SMARCC1: variants seen among roughly 807,000 people sequenced by gnomAD.
SMARCC1 encodes the protein SWI/SNF related BAF chromatin remodeling complex subunit C1.
In SMARCC1, 43 loss-of-function variants were observed where a neutral mutation model predicts 147.4. That is an observed-to-expected ratio of 0.29 (90% CI 0.23 to 0.38). The LOEUF (loss-of-function observed/expected upper bound fraction) is 0.38. SMARCC1 is among the 10% of genes least tolerant of loss of function. The probability of loss-of-function intolerance (pLI) is 1.00; values close to 1 mark genes in which losing one functional copy is unlikely to be tolerated. For synonymous variants in SMARCC1, 495 were observed against 484.4 expected (o/e 1.02, Z -0.29); for missense variants, 1,119 against 1,381.1 (o/e 0.81, Z 3.01).
chr3:47,670,667 T>C lies in SMARCC1; in HGVS notation c.1890A>G (p.Leu630=), dbSNP rs763429177. The C allele has an allele frequency of 4.5e-6, 7 of 1,569,006 alleles. No homozygotes were observed. Among genetic ancestry groups the C allele is most frequent in the African/African-American group, 2.7e-5 (2 of 74,300 alleles). The change falls in exon 19 of 28, where the codon CTA becomes CTG. Residue 630 remains leucine, a synonymous_variant. Transcript: ENST00000254480. The part of the protein sequence containing the change: ...GREWTEQETL[L]LLEALEMYKD... The stretch of plus-strand genomic sequence containing the variant: ...GCATTAATCTGCTTACCTCCAGGAG[T>C]AGAAGGGTCTCCTGTTCAGTCCATT...
chr3:47,690,168 C>A (rs2106773935), intron 12 of SMARCC1, among the ~76,000 whole-genome samples: 1 of 151,880 alleles, frequency 6.6e-6, no homozygotes, highest in Middle Eastern at 3.4e-3. Context: ...CCAGCCTGGG[C>A]AACAGAGCAA....
At chr3:47,678,089 T>C (rs975265936) in intron 16 of SMARCC1, 109 bp downstream of exon 16, 4 of 498,248 alleles carry the variant, frequency 8.0e-6, no homozygotes, top group Non-Finnish European at 1.5e-5. Flanking sequence ...ATAACTAAAA[T>C]TAGGTGTTTT....
intron 22 of SMARCC1, among the ~76,000 whole-genome samples, chr3:47,636,648 G>A (rs1343585663): frequency 1.3e-5 from 2 of 152,128 alleles, no homozygotes; most frequent in African/African-American, 4.8e-5. Context: ...AGGTACTCAG[G>A]AGACTGAGGC....
chr3:47,769,028 T>A (rs1163531104), intron 2 of SMARCC1, among the ~76,000 whole-genome samples: 1 of 151,270 alleles, frequency 6.6e-6, no homozygotes, highest in Non-Finnish European at 1.5e-5. Context: ...GTGGCCAACC[T>A]GGTGAAACCT....
chr3:47,624,956 G>GGAGGCA lies in SMARCC1; in HGVS notation c.2647-2621_2647-2616dup, dbSNP rs555011286. ...ACATGCCTGTGATCCCAGCTACTCA[G>GGAGGCA]GAGGCAGAGGCTGTGGTGAGCCAAG... On this transcript the variant is annotated intron_variant, in intron 24 of 27. Coordinates refer to ENST00000254480, the MANE Select transcript of SMARCC1 (RefSeq NM_003074.4). 3.1e-3 allele frequency among the ~76,000 whole-genome samples: 468 copies of GGAGGCA among 150,722 alleles called. 2 individuals are homozygous for GGAGGCA. The highest frequency in any genetic ancestry group is 4.9e-3 in the Admixed American group (74 of 15,098).
intron 9 of SMARCC1, 28 bp from the exon 10 acceptor site, chr3:47,706,558 T>A (rs1439186198): frequency 1.3e-6 from 2 of 1,516,778 alleles, no homozygotes; most frequent in Non-Finnish European, 1.8e-6. Context: ...GAAATAAGTA[T>A]CAGCTATCTT....
intron 25 of SMARCC1, among the ~76,000 whole-genome samples, chr3:47,620,772 G>A (rs1266069429): frequency 6.6e-6 from 1 of 152,142 alleles, no homozygotes; most frequent in Non-Finnish European, 1.5e-5. Context: ...ATGGATCTGA[G>A]GGAGGATAAC....
chr3:47,678,977 A>G (rs138782021), intron 15 of SMARCC1, among the ~76,000 whole-genome samples: 88 of 152,328 alleles, frequency 5.8e-4, no homozygotes, highest in Non-Finnish European at 1.2e-3. Flanking sequence ...CGGCGGGGCA[A>G]TAAGTAGAAT....
chr3:47,628,888 A>T (rs1479265040), intron 24 of SMARCC1, among the ~76,000 whole-genome samples: 1 of 152,222 alleles, frequency 6.6e-6, no homozygotes, highest in Non-Finnish European at 1.5e-5. Flanking sequence ...AAATTACAAC[A>T]CCTTGAACTG....
At chr3:47,591,352 A>T (rs2032178872) in intron 26 of SMARCC1, among the ~76,000 whole-genome samples, 1 of 151,726 alleles carries the variant, frequency 6.6e-6, no homozygotes, top group East Asian at 1.9e-4. Flanking sequence ...TCTGATTTGA[A>T]TCCCCAATTC....
chr3:47,658,450 C>T (rs2033292311), intron 21 of SMARCC1, among the ~76,000 whole-genome samples: 1 of 152,202 alleles, frequency 6.6e-6, no homozygotes, highest in Admixed American at 6.5e-5. Flanking sequence ...TCCGCTTATG[C>T]AGAGCAACCA....
chr3:47,592,773 A>T (rs561987146), intron 26 of SMARCC1, among the ~76,000 whole-genome samples: 26 of 150,268 alleles, frequency 1.7e-4, no homozygotes, highest in Admixed American at 1.5e-3. Flanking sequence ...TAATTTTTAA[A>T]TTTTTTGTAG....
rs1287300373 is a variant in SMARCC1, at chr3:47,586,715, T to C, written c.*1494A>G. The C allele has an allele frequency of 1.3e-5, 2 of 152,656 alleles. No individual in the cohort carries two copies. The highest frequency in any genetic ancestry group is 3.9e-4 in the East Asian group (2 of 5,176). The allele number at this position is 152,656 out of a possible 1,614,324, so 9.5% of individuals were successfully genotyped here. ...AAAGATGTCCACCTTGCATTCTAAA[T>C]AATGAAACTGCCACTTGAGAATGTG... On this transcript the variant is annotated 3_prime_UTR_variant, in exon 28 of 28. Transcript: ENST00000254480.
intron 1 of SMARCC1, among the ~76,000 whole-genome samples, chr3:47,774,448 C>T (rs2034951592): frequency 6.6e-6 from 1 of 151,914 alleles, no homozygotes; most frequent in Admixed American, 6.6e-5. Context: ...TTTGGAGTCT[C>T]GCTCTGTCAC....
chr3:47,677,768 C>A (rs1449435127), intron 16 of SMARCC1, among the ~76,000 whole-genome samples: 1 of 152,084 alleles, frequency 6.6e-6, no homozygotes, highest in African/African-American at 2.4e-5. Flanking sequence ...GAACTCCTGA[C>A]CTCAGGTGAT....
At chr3:47,749,594 G>C (rs1370110369) in intron 2 of SMARCC1, among the ~76,000 whole-genome samples, 3 of 150,306 alleles carry the variant, frequency 2.0e-5, no homozygotes, top group South Asian at 2.1e-4. Context: ...TTGAGCTTGG[G>C]AAGTTGAGGC....
chr3:47,757,150 C>T (rs1237763064), intron 2 of SMARCC1, among the ~76,000 whole-genome samples: 2 of 152,020 alleles, frequency 1.3e-5, no homozygotes, highest in Non-Finnish European at 2.9e-5. Flanking sequence ...GCTTGAGAGG[C>T]TGAGGTGGGA....
intron 19 of SMARCC1, among the ~76,000 whole-genome samples, chr3:47,666,463 G>A (rs200939328): frequency 7.2e-6 from 1 of 138,468 alleles, no homozygotes; most frequent in Non-Finnish European, 1.6e-5. Context: ...GTGTCTGTCA[G>A]TGTCCAAAAC....
chr3:47,707,132 GA>G (rs1359675722), intron 9 of SMARCC1, among the ~76,000 whole-genome samples: 2 of 151,818 alleles, frequency 1.3e-5, no homozygotes, highest in Non-Finnish European at 1.5e-5. Flanking sequence ...CCAACACAGG[GA>G]AAGCCCATCT....
Sources: gnomAD v4.1 joint callset for allele counts (sites outside exome capture counted in the v4.1 genomes callset) on GRCh38, gnomAD v4.1.1 for gene constraint, MANE v1.5 for transcripts, NCBI Gene and HGNC (gene_info 2026-07-23, HGNC 2026-07-21) for gene names.